ZCRB1: variants seen among roughly 807,000 people sequenced by gnomAD.
ZCRB1 encodes the protein zinc finger CCHC-type and RNA binding motif containing 1.
Under a neutral mutation model 29.9 loss-of-function variants are expected in ZCRB1, and 21 were observed. The ratio of observed to expected loss-of-function variants is 0.70; its 90% CI spans 0.50 to 1.01. The LOEUF is 1.01. Ranked by LOEUF, ZCRB1 falls within the 50% of genes least tolerant of loss-of-function variation. ZCRB1 has a pLI of 0.00. For synonymous variants in ZCRB1, 77 were observed against 80.0 expected (o/e 0.96, Z 0.20); for missense variants, 204 against 253.3 (o/e 0.81, Z 1.32).
intron 5 of ZCRB1, among the ~76,000 whole-genome samples, chr12:42,315,975 C>T (rs2068592770): frequency 6.6e-6 from 1 of 152,056 alleles, no homozygotes; most frequent in Admixed American, 6.6e-5. Flanking sequence ...GGGTAGAGGA[C>T]CTCAAGCCAT....
chr12:42,313,555 G>A (rs1167147227), intron 7 of ZCRB1, 135 bp downstream of exon 7: 13 of 941,570 alleles, frequency 1.4e-5, no homozygotes, highest in Admixed American at 8.4e-5. Flanking sequence ...GTACCTCAGA[G>A]AAACAGCTTG....
At chr12:42,320,304 C>A (rs1281039387) in intron 3 of ZCRB1, among the ~76,000 whole-genome samples, 1 of 152,152 alleles carries the variant, frequency 6.6e-6, no homozygotes, top group Admixed American at 6.5e-5. Flanking sequence ...ATCACTATTA[C>A]CCACTTTATT....
intron 2 of ZCRB1, chr12:42,323,666 C>T: frequency 1.1e-5 from 2 of 181,268 alleles, no homozygotes; most frequent in Non-Finnish European, 2.2e-5. Flanking sequence ...GGGTCTCATT[C>T]TGTCACCCAG....
At chr12:42,318,045 A>C (rs1169095402) in intron 3 of ZCRB1, 147 bp from the exon 4 acceptor site, 1 of 624,456 alleles carries the variant, frequency 1.6e-6, no homozygotes. Flanking sequence ...AAGTCAAGGG[A>C]TATCAAGAAT....
rs1319200677 is a variant in ZCRB1 at position 42,312,363 on chromosome 12, G to A, written c.*704C>T. The stretch of plus-strand genomic sequence containing the variant: ...ACAATTATTAACTCTAGGAAAAAAC[G>A]TAATCATAGCATATTCCTTGGCTCA... On this transcript the variant is annotated 3_prime_UTR_variant, in exon 8 of 8. Transcript: ENST00000266529. 1 of 151,968 alleles carries A rather than the reference G, an allele frequency of 6.6e-6. No individual in the cohort carries two copies. The highest frequency in any genetic ancestry group is 2.4e-5 in the African/African-American group (1 of 41,374). The allele number at this position is 151,968 out of a possible 1,614,324, so 9.4% of individuals were successfully genotyped here. A position where few individuals can be genotyped will look rare whatever the true frequency, so the allele number is the denominator to read the frequency against.
At chr12:42,323,442 CA>C (rs35772994) in intron 2 of ZCRB1, among the ~76,000 whole-genome samples, 53,456 of 151,814 alleles carry the variant, frequency 0.35, 9,931 homozygotes, top group South Asian at 0.46. Flanking sequence ...GGTCTTTATT[CA>C]AAAGTCACCT....
intron 2 of ZCRB1, among the ~76,000 whole-genome samples, chr12:42,322,795 T>C (rs2068628330): frequency 6.6e-6 from 1 of 152,236 alleles, no homozygotes; most frequent in Admixed American, 6.5e-5. Flanking sequence ...CAGATACACC[T>C]GTGCTTCAAA....
At chr12:42,318,509 C>T (rs547367456) in intron 3 of ZCRB1, among the ~76,000 whole-genome samples, 34 of 152,234 alleles carry the variant, frequency 2.2e-4, no homozygotes, top group African/African-American at 8.2e-4. Flanking sequence ...CCATACCACC[C>T]ACCAGGGTGT....
chr12:42,324,639 C>G (rs1464978231), intron 1 of ZCRB1, among the ~76,000 whole-genome samples: 1 of 152,180 alleles, frequency 6.6e-6, no homozygotes, highest in Non-Finnish European at 1.5e-5. Flanking sequence ...TAAGGAATTC[C>G]TTTTTCCCAG....
Position 42,324,023 on chromosome 12 carries a change from T to C in ZCRB1, c.80A>G (p.Tyr27Cys). ...LPFSLTNNDL[Y>C]RIFSKYGKVV... Reference sequence around the variant, plus strand: ...CACTCGATAAGATTTACTTACCCGGTACAAGTCATTGTTTGTCAGGGAAAA... The same window carrying C: ...CACTCGATAAGATTTACTTACCCGGCACAAGTCATTGTTTGTCAGGGAAAA... The change falls in exon 2 of 8, where the codon TAC becomes TGC. Residue 27 changes from tyrosine (Y) to cysteine (C), a missense_variant. Tyr to Cys is a radical substitution (Grantham distance 194). Coordinates refer to ENST00000266529, the MANE Select transcript of ZCRB1 (RefSeq NM_033114.4). 3 of 1,613,668 alleles carry C rather than the reference T, an allele frequency of 1.9e-6. No individual in the cohort carries two copies. The highest frequency in any genetic ancestry group is 2.5e-6 in the Non-Finnish European group (3 of 1,179,588).
intron 2 of ZCRB1, 23 bp downstream of exon 2, chr12:42,323,996 G>C: frequency 6.3e-7 from 1 of 1,588,240 alleles, no homozygotes; most frequent in Admixed American, 1.7e-5. Flanking sequence ...TCAAATAGCA[G>C]TCACTCGATA....
intron 5 of ZCRB1, 116 bp from the exon 6 acceptor site, chr12:42,314,102 AC>A: frequency 1.0e-5 from 10 of 980,606 alleles, no homozygotes; most frequent in Non-Finnish European, 1.5e-5. Flanking sequence ...ATATTCCCAT[AC>A]TGGGACTATA....
At chr12:42,320,464 T>TG (rs1185157362) in intron 3 of ZCRB1, among the ~76,000 whole-genome samples, 1 of 152,050 alleles carries the variant, frequency 6.6e-6, no homozygotes, top group African/African-American at 2.4e-5. Flanking sequence ...TTTTTTGCGA[T>TG]GGGGTCTTGC....
chr12:42,312,919 C>A lies in ZCRB1; in HGVS notation c.*148G>T. 1.1e-6 allele frequency: 1 copy of A among 897,432 alleles called. No homozygotes were observed. Among genetic ancestry groups the A allele is most frequent in the East Asian group, 3.3e-5 (1 of 30,128 alleles). 55.6% of individuals were successfully genotyped at this position (897,432 alleles called of 1,614,324 possible). ...AATAAAGCCCTTATAATGAACTTTT[C>A]AAATAAATTTTTAAAATATCTTTTT... On this transcript the variant is annotated 3_prime_UTR_variant, in exon 8 of 8. Coordinates refer to ENST00000266529, the MANE Select transcript of ZCRB1 (RefSeq NM_033114.4).
At chr12:42,316,690 T>C (rs1000169360) in intron 5 of ZCRB1, among the ~76,000 whole-genome samples, 3 of 152,214 alleles carry the variant, frequency 2.0e-5, no homozygotes, top group African/African-American at 7.2e-5. Flanking sequence ...GCTATTGAAC[T>C]GTGACTTAAA....
intron 2 of ZCRB1, 70 bp from the exon 3 acceptor site, chr12:42,322,516 C>G: frequency 7.4e-7 from 1 of 1,354,964 alleles, no homozygotes; most frequent in Admixed American, 2.7e-5. Flanking sequence ...AGGTTGCAGA[C>G]ATTGACCAAA....
intron 2 of ZCRB1, 63 bp from the exon 3 acceptor site, chr12:42,322,509 T>A: frequency 7.2e-7 from 1 of 1,382,312 alleles, no homozygotes; most frequent in Admixed American, 2.7e-5. Context: ...AATTTTTAGG[T>A]TGCAGACATT....
intron 5 of ZCRB1, among the ~76,000 whole-genome samples, chr12:42,314,760 T>C (rs1330621286): frequency 1.3e-5 from 2 of 152,076 alleles, no homozygotes; most frequent in African/African-American, 4.8e-5. Context: ...AAGACCCGCC[T>C]GGCCAACATG....
At chr12:42,325,025 C>G (rs971387464) in intron 1 of ZCRB1, among the ~76,000 whole-genome samples, 1 of 152,166 alleles carries the variant, frequency 6.6e-6, no homozygotes, top group Admixed American at 6.5e-5. Flanking sequence ...GATGGTCTAG[C>G]CTATTGCTCC....
Sources: allele counts gnomAD v4.1 joint callset (sites outside exome capture counted in the v4.1 genomes callset), GRCh38; gene constraint gnomAD v4.1.1; transcripts MANE v1.5; gene names NCBI Gene and HGNC (gene_info 2026-07-23, HGNC 2026-07-21).